The following MAP3K1 variants were observed in gnomAD, a reference collection of about 807,000 sequenced individuals.
MAP3K1 encodes the protein mitogen-activated protein kinase kinase kinase 1.
MAP3K1 carries 36 observed loss-of-function variants against 144.2 expected under a neutral mutation model. That is an observed-to-expected ratio of 0.25 (90% CI 0.19 to 0.33). MAP3K1 has a LOEUF of 0.33. Ranked by LOEUF, MAP3K1 falls within the 10% of genes least tolerant of loss-of-function variation. The probability of loss-of-function intolerance (pLI) is 1.00; values close to 1 mark genes in which losing one functional copy is unlikely to be tolerated. For synonymous variants in MAP3K1, 718 were observed against 688.7 expected (o/e 1.04, Z -0.67); for missense variants, 1,650 against 1,881.9 (o/e 0.88, Z 2.28).
intron 6 of MAP3K1, 44 bp from the exon 7 acceptor site, chr5:56,871,866 T>C (rs1329131490): frequency 6.3e-7 from 1 of 1,595,954 alleles, no homozygotes; most frequent in African/African-American, 1.3e-5. Context: ...CGTTCTACTT[T>C]ATATTCTTTT....
chr5:56,891,348 G>A (rs188354671), intron 19 of MAP3K1, among the ~76,000 whole-genome samples: 1 of 152,228 alleles, frequency 6.6e-6, no homozygotes, highest in African/African-American at 2.4e-5. Context: ...TTAACCCAAA[G>A]CATTTATGAA....
intron 3 of MAP3K1, 122 bp from the exon 4 acceptor site, chr5:56,864,612 A>G: frequency 1.1e-6 from 1 of 947,056 alleles, no homozygotes; most frequent in Admixed American, 1.9e-5. Context: ...TGACCTCATG[A>G]TCCGCCCTCC....
chr5:56,837,837 C>A (rs1199259188), intron 1 of MAP3K1, among the ~76,000 whole-genome samples: 3 of 152,122 alleles, frequency 2.0e-5, no homozygotes, highest in African/African-American at 7.2e-5. Flanking sequence ...GTGCTCTTTG[C>A]TGAGTGAGGA....
Position 56,895,548 on chromosome 5 carries a change from C to T in MAP3K1, c.*1868C>T. 4.3e-6 allele frequency: 1 copy of T among 232,106 alleles called. No homozygotes were observed. Among genetic ancestry groups the T allele is most frequent in the Non-Finnish European group, 8.5e-6 (1 of 117,376 alleles). 14.4% of individuals were successfully genotyped at this position (232,106 alleles called of 1,614,324 possible). ...TATAAACTGAGGAACCTCAGCTAATCAGTATTACTTTGTAGATCACCATGC... is the reference window on the plus strand; with the variant it reads ...TATAAACTGAGGAACCTCAGCTAATTAGTATTACTTTGTAGATCACCATGC... On this transcript the variant is annotated 3_prime_UTR_variant, in exon 20 of 20. Coordinates refer to ENST00000399503, the MANE Select transcript of MAP3K1 (RefSeq NM_005921.2).
chr5:56,816,140 C>G, intron 1 of MAP3K1, 85 bp downstream of exon 1: 1 of 1,146,090 alleles, frequency 8.7e-7, no homozygotes, highest in Non-Finnish European at 1.1e-6. Context: ...TGCACGGCGT[C>G]CCGGGGTTCA....
At position 56,872,082 on chromosome 5, in the gene MAP3K1, GCTAA is replaced by G. The variant is rs1266587140; in HGVS notation, c.1423+55_1423+58del. 3.1e-6 allele frequency: 5 copies of G among 1,610,672 alleles called. 1 individual carries two copies. In the South Asian group the frequency reaches 3.3e-5, roughly 11 times the overall value. On this transcript the variant is annotated intron_variant, in intron 7 of 19. Transcript: ENST00000399503. ...CTTACTCAACACAGTTGCTCTCTGA[GCTAA>G]CTATGTTATTTAAGAGTGTAACATG...
rs1303393534 is a variant in MAP3K1, at chr5:56,887,308, T to C, written c.4115-70T>C. 1.2e-5 allele frequency: 17 copies of C among 1,444,650 alleles called. No homozygotes were observed. The Admixed American group carries it at 2.9e-4, about 25-fold the overall frequency. 89.5% of individuals were successfully genotyped at this position (1,444,650 alleles called of 1,614,324 possible). ...TGTCATTGTCCTAGTTCATTAGTAT[T>C]GTACTGGGCTTTTATCTGTCCTTAT... On this transcript the variant is annotated intron_variant, in intron 17 of 19. Transcript: ENST00000399503.
intron 1 of MAP3K1, among the ~76,000 whole-genome samples, chr5:56,855,379 C>G (rs181607103): frequency 2.1e-4 from 32 of 152,158 alleles, no homozygotes; most frequent in African/African-American, 7.5e-4. Flanking sequence ...AAATATTTTA[C>G]GCTGTGGTCT....
intron 1 of MAP3K1, among the ~76,000 whole-genome samples, chr5:56,816,874 T>C (rs1745992750): frequency 6.6e-6 from 1 of 152,230 alleles, no homozygotes; most frequent in African/African-American, 2.4e-5. Flanking sequence ...AATTTGGCCT[T>C]TGAAGTTTGC....
rs774493506 is a variant in MAP3K1, at chr5:56,883,568, G to A, written c.3708G>A (p.Pro1236=). ...CAGGACATACCAAAGCAAAACAACCGTATAGAGAAGACACTGAATGGCTGA... is the reference window on the plus strand; with the variant it reads ...CAGGACATACCAAAGCAAAACAACCATATAGAGAAGACACTGAATGGCTGA... The part of the protein sequence containing the change: ...TLPGHTKAKQ[P]YREDTEWLKG... The change falls in exon 15 of 20, where the codon CCG becomes CCA. Residue 1236 remains proline (P), a synonymous_variant. Coordinates refer to ENST00000399503, the MANE Select transcript of MAP3K1 (RefSeq NM_005921.2). 4.2e-5 allele frequency: 68 copies of A among 1,613,924 alleles called. No homozygotes were observed. Among genetic ancestry groups the A allele is most frequent in the South Asian group, 5.5e-5 (5 of 91,086 alleles).
At chr5:56,854,447 A>AAAAG (rs1363494709) in intron 1 of MAP3K1, among the ~76,000 whole-genome samples, 3 of 151,156 alleles carry the variant, frequency 2.0e-5, no homozygotes, top group African/African-American at 7.3e-5. Context: ...AAAAAAAAAA[A>AAAAG]AAAGAAAGAA....
Position 56,861,590 on chromosome 5 carries a change from A to ATGG in MAP3K1, c.834+1675_834+1676insTGG, listed in dbSNP as rs1554033753. 5.9e-5 allele frequency among the ~76,000 whole-genome samples: 8 copies of ATGG among 134,584 alleles called. No individual in the cohort carries two copies. In the East Asian group the frequency reaches 1.3e-3, roughly 21 times the overall value. The allele number at this position is 134,584 out of a possible 152,430, so 88.3% of individuals were successfully genotyped here. On this transcript the variant is annotated intron_variant, in intron 3 of 19. Coordinates refer to ENST00000399503, the MANE Select transcript of MAP3K1 (RefSeq NM_005921.2). ...TCCTAAAAAAAAAAAAAAAAAAAAA[A>ATGG]GGGGCTATTAAAATACTCCTTCCTT...
chr5:56,875,772 A>G (rs1202896809), intron 10 of MAP3K1, among the ~76,000 whole-genome samples: 1 of 152,184 alleles, frequency 6.6e-6, no homozygotes, highest in African/African-American at 2.4e-5. Context: ...AGATTTTTTT[A>G]ATGTCTTGCT....
chr5:56,855,137 T>G (rs1747300180), intron 1 of MAP3K1, among the ~76,000 whole-genome samples: 2 of 124,282 alleles, frequency 1.6e-5, no homozygotes, highest in South Asian at 7.9e-4. Flanking sequence ...CTCCTCCTCC[T>G]TTCTTCTCTG....
chr5:56,866,043 T>A, intron 6 of MAP3K1, 66 bp downstream of exon 6: 1 of 1,211,688 alleles, frequency 8.3e-7, no homozygotes. Flanking sequence ...GGTAATTTTT[T>A]ATATCTACTT....
At chr5:56,835,672 T>G (rs1469613619) in intron 1 of MAP3K1, among the ~76,000 whole-genome samples, 3 of 151,958 alleles carry the variant, frequency 2.0e-5, no homozygotes, top group South Asian at 2.1e-4. Flanking sequence ...CTAGAATGTT[T>G]GCAAAGATGA....
intron 1 of MAP3K1, 144 bp from the exon 2 acceptor site, chr5:56,856,456 T>A: frequency 1.4e-6 from 1 of 695,102 alleles, no homozygotes; most frequent in South Asian, 1.8e-5. Flanking sequence ...TTTCAAGCTT[T>A]AAGTCATTTG....
chr5:56,867,971 C>G (rs939324581), intron 6 of MAP3K1, among the ~76,000 whole-genome samples: 1 of 152,048 alleles, frequency 6.6e-6, no homozygotes, highest in Non-Finnish European at 1.5e-5. Context: ...ATAAGTAAAA[C>G]CAAATCTAGG....
intron 19 of MAP3K1, among the ~76,000 whole-genome samples, chr5:56,888,822 TATC>T (rs774579627): frequency 1.6e-4 from 25 of 152,196 alleles, no homozygotes; most frequent in Non-Finnish European, 1.9e-4. Flanking sequence ...CTTAAAAAAA[TATC>T]ATCAACTTAA....
Sources: allele counts gnomAD v4.1 joint callset (sites outside exome capture counted in the v4.1 genomes callset), GRCh38; gene constraint gnomAD v4.1.1; transcripts MANE v1.5; gene names NCBI Gene and HGNC (gene_info 2026-07-23, HGNC 2026-07-21).